Variants in TENM2 observed in about 807,000 individuals in gnomAD.
The protein encoded by TENM2 is teneurin-2.
Under a neutral mutation model 245.2 loss-of-function variants are expected in TENM2, and 52 were observed. The observed-to-expected ratio is 0.21, with a 90% CI of 0.17 to 0.27. The LOEUF (loss-of-function observed/expected upper bound fraction) is 0.27. TENM2 is among the 10% of genes least tolerant of loss of function. The pLI is 1.00. For missense variants in TENM2, 3,046 were observed against 3,666.8 expected (o/e 0.83, Z 4.37); for synonymous variants, 1,363 against 1,438.9 (o/e 0.95, Z 1.19).
intron 2 of TENM2, among the ~76,000 whole-genome samples, chr5:167,514,952 G>A (rs1332178515): frequency 3.3e-5 from 5 of 151,982 alleles, no homozygotes; most frequent in Admixed American, 1.3e-4. Flanking sequence ...CGGAGGTTGC[G>A]GTGAGCCGAG....
chr5:167,069,234 T>C, the TENM2 span, among the ~76,000 whole-genome samples: 1 of 152,154 alleles, frequency 6.6e-6, no homozygotes, highest in East Asian at 1.9e-4. Flanking sequence ...TCTTGCAAGT[T>C]TTATTCCTAT....
intron 2 of TENM2, among the ~76,000 whole-genome samples, chr5:167,402,543 A>G (rs1342804710): frequency 1.3e-5 from 2 of 152,138 alleles, no homozygotes; most frequent in Non-Finnish European, 2.9e-5. Context: ...AGGAAATGAC[A>G]TGTCTGACTT....
At chr5:168,250,945 G>A (rs1050636195) in intron 27 of TENM2, among the ~76,000 whole-genome samples, 1 of 152,240 alleles carries the variant, frequency 6.6e-6, no homozygotes. Context: ...GATGAGAAGT[G>A]TCTCCTTTAT....
chr5:167,651,846 C>G (rs1164742570), intron 2 of TENM2, among the ~76,000 whole-genome samples: 1 of 152,248 alleles, frequency 6.6e-6, no homozygotes, highest in African/African-American at 2.4e-5. Context: ...ATGCAATACC[C>G]CAAGAAATTC....
At chr5:167,990,147 C>T (rs922005006) in intron 4 of TENM2, among the ~76,000 whole-genome samples, 6 of 152,282 alleles carry the variant, frequency 3.9e-5, no homozygotes, top group Admixed American at 1.3e-4. Flanking sequence ...GAAATAAATT[C>T]GGAGGACTCC....
chr5:168,194,707 C>T (rs1393489911), intron 14 of TENM2, among the ~76,000 whole-genome samples: 7 of 152,118 alleles, frequency 4.6e-5, no homozygotes, highest in Admixed American at 6.5e-5. Context: ...ATGTGTATTT[C>T]CCAGCCATAA....
At chr5:167,232,913 T>C in the TENM2 span, among the ~76,000 whole-genome samples, 2 of 152,104 alleles carry the variant, frequency 1.3e-5, no homozygotes, top group Non-Finnish European at 2.9e-5. Flanking sequence ...CCCAAAAACA[T>C]ATGTTAAAAC....
rs181237678 is a variant in TENM2 at position 167,422,015 on chromosome 5, C to G, written c.502+46542C>G. ...CCATCTTGGCCAGGCTGGTCTTGAA[C>G]TCCTGACCTTGTGATCCACCTGCCT... is the stretch of plus-strand genomic sequence containing the variant. On this transcript the variant is annotated intron_variant, in intron 2 of 28. Transcript: ENST00000518659. Among the ~76,000 whole-genome samples the G allele has an allele frequency of 2.6e-3, 398 of 152,254 alleles. 3 individuals are homozygous for G. The highest frequency in any genetic ancestry group is 9.2e-3 in the African/African-American group (381 of 41,560).
At chr5:168,262,873 C>T (rs1768341984) in exon 29 of TENM2, 6 of 1,417,354 alleles carry the variant, frequency 4.2e-6, no homozygotes, top group Non-Finnish European at 5.7e-6. Flanking sequence ...TATCTCCTCT[C>T]CTAAGGAGAT....
chr5:167,178,821 G>A, the TENM2 span, among the ~76,000 whole-genome samples: 1 of 152,126 alleles, frequency 6.6e-6, no homozygotes, highest in South Asian at 2.1e-4. Context: ...CATATAAAAT[G>A]GGGCCACATT....
At chr5:167,424,951 A>G (rs188433645) in intron 2 of TENM2, among the ~76,000 whole-genome samples, 59 of 152,304 alleles carry the variant, frequency 3.9e-4, no homozygotes, top group Admixed American at 7.2e-4. Context: ...GAAATGATGG[A>G]TTAAGCTGTT....
At chr5:167,235,432 G>A in the TENM2 span, among the ~76,000 whole-genome samples, 1 of 151,944 alleles carries the variant, frequency 6.6e-6, no homozygotes, top group Non-Finnish European at 1.5e-5. Flanking sequence ...CCACAATTAC[G>A]AGTCCTTTAA....
intron 25 of TENM2, among the ~76,000 whole-genome samples, chr5:168,238,113 A>C (rs940981595): frequency 6.4e-5 from 9 of 141,658 alleles, no homozygotes; most frequent in African/African-American, 1.0e-4. Context: ...CCACTGCACT[A>C]CAGCCTGGGA....
intron 2 of TENM2, among the ~76,000 whole-genome samples, chr5:167,643,849 G>A (rs1779762007): frequency 6.6e-6 from 1 of 152,202 alleles, no homozygotes; most frequent in Non-Finnish European, 1.5e-5. Context: ...TACGTGTTAA[G>A]TAATGCAATT....
At chr5:167,843,006 A>G (rs1217963414) in intron 2 of TENM2, among the ~76,000 whole-genome samples, 1 of 152,128 alleles carries the variant, frequency 6.6e-6, no homozygotes, top group African/African-American at 2.4e-5. Flanking sequence ...TCAATTCGCA[A>G]CAACACTTTG....
intron 4 of TENM2, among the ~76,000 whole-genome samples, chr5:167,966,512 T>G (rs1781398556): frequency 6.6e-6 from 1 of 152,198 alleles, no homozygotes; most frequent in South Asian, 2.1e-4. Flanking sequence ...AAACACACTT[T>G]TTGTCTTCAA....
Position 167,393,066 on chromosome 5 carries a change from G to C in TENM2, c.502+17593G>C, listed in dbSNP as rs537553932. Reference sequence around the variant, plus strand: ...CAACCAAGGAGGCAGAGGTTGCAGTGAGCCAAGATCATGCTACTGCACTCC... The same window carrying C: ...CAACCAAGGAGGCAGAGGTTGCAGTCAGCCAAGATCATGCTACTGCACTCC... On this transcript the variant is annotated intron_variant, in intron 2 of 28. Coordinates refer to ENST00000518659, the Ensembl canonical transcript of TENM2. Among the ~76,000 whole-genome samples the C allele has an allele frequency of 7.3e-5, 11 of 151,206 alleles. 1 individual carries two copies. In the South Asian group the frequency reaches 2.3e-3, roughly 32 times the overall value.
intron 2 of TENM2, among the ~76,000 whole-genome samples, chr5:167,401,715 G>T (rs980766738): frequency 3.3e-5 from 5 of 152,174 alleles, no homozygotes; most frequent in East Asian, 1.9e-4. Flanking sequence ...CTATTTTCCA[G>T]CTTTAGGTAT....
At chr5:167,658,668 G>C (rs755558110) in intron 2 of TENM2, among the ~76,000 whole-genome samples, 14 of 152,276 alleles carry the variant, frequency 9.2e-5, no homozygotes, top group Non-Finnish European at 1.8e-4. Flanking sequence ...CTAGAAGCCA[G>C]TCTATCCACT....
Sources: allele counts gnomAD v4.1 joint callset (sites outside exome capture counted in the v4.1 genomes callset), GRCh38; gene constraint gnomAD v4.1.1; transcripts MANE v1.5; gene names NCBI Gene and HGNC (gene_info 2026-07-23, HGNC 2026-07-21).